The following PDE10A variants were observed in gnomAD, a reference collection of about 807,000 sequenced individuals.
PDE10A encodes the protein cAMP and cAMP-inhibited cGMP 3',5'-cyclic phosphodiesterase 10A.
PDE10A carries 39 observed loss-of-function variants against 97.7 expected under a neutral mutation model. That is an observed-to-expected ratio of 0.40 (90% CI 0.31 to 0.52). The LOEUF (loss-of-function observed/expected upper bound fraction) is 0.52. Ranked by LOEUF, PDE10A falls within the 20% of genes least tolerant of loss-of-function variation. The probability of loss-of-function intolerance (pLI) is 0.56; values close to 1 mark genes in which losing one functional copy is unlikely to be tolerated. For synonymous variants in PDE10A, 371 were observed against 376.8 expected, an observed-to-expected ratio of 0.98 and a Z score of 0.18; for missense variants, 731 against 1,047.8, an observed-to-expected ratio of 0.70 and a Z score of 4.17.
intron 1 of PDE10A, among the ~76,000 whole-genome samples, chr6:165,734,349 C>T (rs530821375): frequency 5.9e-5 from 9 of 151,880 alleles, no homozygotes; most frequent in Admixed American, 1.3e-4. Flanking sequence ...CAGAAAAAGA[C>T]GTCAGAGTAA....
At chr6:165,429,815 C>T (rs921295186) in intron 9 of PDE10A, among the ~76,000 whole-genome samples, 1 of 151,912 alleles carries the variant, frequency 6.6e-6, no homozygotes, top group South Asian at 2.1e-4. Flanking sequence ...TTTTCTAGGC[C>T]AAACCAGCGA....
At chr6:165,715,649 G>T (rs1010023904) in intron 1 of PDE10A, among the ~76,000 whole-genome samples, 3 of 152,168 alleles carry the variant, frequency 2.0e-5, no homozygotes, top group East Asian at 1.9e-4. Context: ...CACACACACA[G>T]ACTCTCTCAG....
chr6:165,366,134 A>T (rs1783755971), intron 18 of PDE10A, among the ~76,000 whole-genome samples: 1 of 152,172 alleles, frequency 6.6e-6, no homozygotes, highest in Non-Finnish European at 1.5e-5. Context: ...TACATGATAA[A>T]CATGATTTAT....
chr6:165,896,992 G>T (rs1453739112), intron 1 of PDE10A, among the ~76,000 whole-genome samples: 4 of 152,074 alleles, frequency 2.6e-5, no homozygotes, highest in Non-Finnish European at 5.9e-5. Context: ...TTAAGTGCCT[G>T]GAAAATCATG....
At chr6:165,354,572 T>C (rs999478028) in intron 18 of PDE10A, among the ~76,000 whole-genome samples, 2 of 152,208 alleles carry the variant, frequency 1.3e-5, no homozygotes, top group Non-Finnish European at 2.9e-5. Flanking sequence ...TGAATTCCAA[T>C]TGAGTTATTT....
In PDE10A at chr6:165,740,258, C is replaced by T. The variant is rs1230849780; in HGVS notation, c.-614-196690G>A. Among the ~76,000 whole-genome samples the T allele has an allele frequency of 2.6e-5, 4 of 151,640 alleles. No individual in the cohort carries two copies. The East Asian group carries it at 7.7e-4, about 29-fold the overall frequency. ...GGGTAAAGAAAATGTGACATATATTCACATATATGTATGTACATACACATA... is the reference window on the plus strand; with the variant it reads ...GGGTAAAGAAAATGTGACATATATTTACATATATGTATGTACATACACATA... On this transcript the variant is annotated intron_variant, in intron 1 of 19. Coordinates refer to the PDE10A transcript ENST00000366882.
At chr6:165,338,621 A>G (rs548576677) in intron 20 of PDE10A, among the ~76,000 whole-genome samples, 1 of 152,348 alleles carries the variant, frequency 6.6e-6, no homozygotes, top group African/African-American at 2.4e-5. Context: ...AATGAACCTG[A>G]ATTAAAATCT....
chr6:165,519,588 A>T (rs541125581), intron 2 of PDE10A, among the ~76,000 whole-genome samples: 1 of 152,136 alleles, frequency 6.6e-6, no homozygotes, highest in Non-Finnish European at 1.5e-5. Context: ...CTGCTGCTCA[A>T]TTCGTTTAAC....
At chr6:165,648,121 T>C (rs897868721) in intron 1 of PDE10A, among the ~76,000 whole-genome samples, 6 of 152,202 alleles carry the variant, frequency 3.9e-5, no homozygotes, top group Admixed American at 2.0e-4. Flanking sequence ...CACGCCATTC[T>C]CCTGCCTCAG....
intron 1 of PDE10A, among the ~76,000 whole-genome samples, chr6:165,859,814 T>C (rs1583200532): frequency 6.6e-6 from 1 of 152,172 alleles, no homozygotes; most frequent in South Asian, 2.1e-4. Flanking sequence ...GGTTGATTGA[T>C]GGTAAAGAAT....
intron 1 of PDE10A, among the ~76,000 whole-genome samples, chr6:165,962,393 C>T (rs1489430034): frequency 6.6e-6 from 1 of 152,238 alleles, no homozygotes; most frequent in Non-Finnish European, 1.5e-5. Context: ...AGCAGTTGCA[C>T]TTCTCGTCTT....
intron 1 of PDE10A, among the ~76,000 whole-genome samples, chr6:165,873,860 T>C (rs564182047): frequency 9.2e-5 from 14 of 152,298 alleles, no homozygotes; most frequent in African/African-American, 3.4e-4. Flanking sequence ...TACTACTGGG[T>C]TTTTTTAAAA....
chr6:165,405,654 G>A (rs1205760447), intron 13 of PDE10A, among the ~76,000 whole-genome samples: 2 of 152,174 alleles, frequency 1.3e-5, no homozygotes, highest in African/African-American at 4.8e-5. Context: ...AACATAAGCT[G>A]ACTTCCCCAA....
chr6:165,854,885 G>T (rs1175498888), intron 1 of PDE10A, among the ~76,000 whole-genome samples: 1 of 152,204 alleles, frequency 6.6e-6, no homozygotes, highest in Non-Finnish European at 1.5e-5. Context: ...GAAACACACA[G>T]AAGAGGGGAC....
intron 1 of PDE10A, among the ~76,000 whole-genome samples, chr6:165,737,999 T>A (rs112504964): frequency 2.0e-4 from 27 of 134,618 alleles, no homozygotes; most frequent in East Asian, 9.9e-4. Flanking sequence ...CCACTTCTTT[T>A]TTTTATTTTA....
intron 1 of PDE10A, among the ~76,000 whole-genome samples, chr6:165,548,473 G>T (rs892332920): frequency 1.3e-5 from 2 of 151,720 alleles, no homozygotes; most frequent in East Asian, 3.9e-4. Context: ...TAGTCCTATG[G>T]TTTACTTCAA....
chr6:165,650,917 T>C (rs1304859983), intron 1 of PDE10A, among the ~76,000 whole-genome samples: 1 of 152,174 alleles, frequency 6.6e-6, no homozygotes, highest in African/African-American at 2.4e-5. Context: ...TTTGTATTTT[T>C]AGTAGAAATG....
chr6:165,806,267 G>A (rs1218938217), intron 1 of PDE10A, among the ~76,000 whole-genome samples: 3 of 152,084 alleles, frequency 2.0e-5, no homozygotes, highest in Admixed American at 6.5e-5. Context: ...ACCCCCGACA[G>A]AGAATGACTT....
chr6:165,884,401 G>A (rs778671883), intron 1 of PDE10A, among the ~76,000 whole-genome samples: 3 of 152,166 alleles, frequency 2.0e-5, no homozygotes, highest in African/African-American at 7.2e-5. Flanking sequence ...CAGGAATGCA[G>A]GTCCTGGACA....
Sources: allele counts gnomAD v4.1 joint callset (sites outside exome capture counted in the v4.1 genomes callset), GRCh38; gene constraint gnomAD v4.1.1; transcripts MANE v1.5; gene names NCBI Gene and HGNC (gene_info 2026-07-23, HGNC 2026-07-21).